Variants in AFF1 observed in about 807,000 individuals in gnomAD.
AFF1 encodes the protein AF4/FMR2 family member 1.
AFF1 carries 48 observed loss-of-function variants against 121.7 expected under a neutral mutation model. The observed-to-expected ratio is 0.39, with a 90% confidence interval of 0.31 to 0.50. AFF1 has a LOEUF of 0.50. AFF1 is among the 20% of genes least tolerant of loss of function. The pLI, the probability that AFF1 is intolerant of heterozygous loss-of-function variation, is 0.76. For missense variants in AFF1, 1,523 were observed against 1,511.7 expected (o/e 1.01, Z -0.12); for synonymous variants, 613 against 563.0 (o/e 1.09, Z -1.26).
At chr4:86,955,573 AT>A (rs1721677291) in intron 2 of AFF1, among the ~76,000 whole-genome samples, 1 of 152,222 alleles carries the variant, frequency 6.6e-6, no homozygotes, top group Non-Finnish European at 1.5e-5. Context: ...TTCTTCTGAA[AT>A]TGGGCCCAGG....
chr4:86,980,367 C>T (rs1348956411), intron 2 of AFF1, among the ~76,000 whole-genome samples: 2 of 152,120 alleles, frequency 1.3e-5, no homozygotes, highest in South Asian at 4.1e-4. Flanking sequence ...CGGTACATGC[C>T]TTGTAATCCC....
intron 2 of AFF1, among the ~76,000 whole-genome samples, chr4:87,031,415 C>T (rs1234642612): frequency 1.3e-5 from 2 of 152,014 alleles, no homozygotes; most frequent in Non-Finnish European, 2.9e-5. Context: ...TTGTAATCAA[C>T]CTCTACTATC....
chr4:87,068,536 CAGGGAGACGGGAGGTATGG>C (rs913816149), intron 4 of AFF1, among the ~76,000 whole-genome samples: 10 of 152,150 alleles, frequency 6.6e-5, no homozygotes, highest in Middle Eastern at 3.2e-3. Flanking sequence ...CCTGGTTTTG[CAGGGAGACGGGAGGTATGG>C]AGGCATTGCC....
At chr4:86,973,530 A>G (rs1216387794) in intron 2 of AFF1, among the ~76,000 whole-genome samples, 1 of 152,060 alleles carries the variant, frequency 6.6e-6, no homozygotes, top group Non-Finnish European at 1.5e-5. Context: ...TATGGCCAAA[A>G]TTTTTTAATG....
intron 4 of AFF1, among the ~76,000 whole-genome samples, chr4:87,074,270 G>A (rs941813286): frequency 6.6e-6 from 1 of 152,004 alleles, no homozygotes; most frequent in African/African-American, 2.4e-5. Flanking sequence ...TGCTGGAATG[G>A]AACCAGTGTC....
At chr4:87,126,635 C>A (rs1023906067) in intron 14 of AFF1, among the ~76,000 whole-genome samples, 2 of 152,038 alleles carry the variant, frequency 1.3e-5, no homozygotes, top group African/African-American at 2.4e-5. Flanking sequence ...CCTGTGTAGT[C>A]CTGCTTTGAA....
At chr4:86,970,963 C>A (rs551467506) in intron 2 of AFF1, among the ~76,000 whole-genome samples, 1 of 152,202 alleles carries the variant, frequency 6.6e-6, no homozygotes, top group African/African-American at 2.4e-5. Flanking sequence ...AGGGCCTTGT[C>A]GGCCGTTGGA....
At chr4:87,078,045 T>C (rs1722842288) in intron 4 of AFF1, among the ~76,000 whole-genome samples, 1 of 152,236 alleles carries the variant, frequency 6.6e-6, no homozygotes, top group Non-Finnish European at 1.5e-5. Flanking sequence ...GCCAAATTAA[T>C]GTCCTTAAAG....
At chr4:87,079,646 C>T (rs1722982485) in intron 4 of AFF1, among the ~76,000 whole-genome samples, 1 of 152,220 alleles carries the variant, frequency 6.6e-6, no homozygotes, top group Non-Finnish European at 1.5e-5. Flanking sequence ...TGAGCCAGCT[C>T]AGCTGCTTCA....
intron 2 of AFF1, among the ~76,000 whole-genome samples, chr4:86,986,777 CATTAAT>C (rs367960508): frequency 1.8e-4 from 27 of 152,124 alleles, no homozygotes; most frequent in East Asian, 1.7e-3. Flanking sequence ...ATTAATATTA[CATTAAT>C]ATTAAGTAAT....
intron 10 of AFF1, among the ~76,000 whole-genome samples, chr4:87,107,659 A>T (rs1232486717): frequency 2.0e-5 from 3 of 152,238 alleles, no homozygotes; most frequent in Non-Finnish European, 2.9e-5. Flanking sequence ...TGATTTGGTT[A>T]TGTGTAACAG....
intron 4 of AFF1, among the ~76,000 whole-genome samples, chr4:87,057,572 T>TGATTAGAGTA (rs113678735): frequency 0.054 from 8,152 of 152,096 alleles, 713 homozygotes; most frequent in African/African-American, 0.19. Context: ...GTGGTAGAAG[T>TGATTAGAGTA]GAAATTTGAA....
At chr4:87,026,061 C>CTT (rs34793575) in intron 2 of AFF1, among the ~76,000 whole-genome samples, 5,013 of 109,610 alleles carry the variant, frequency 0.046, 353 homozygotes, top group African/African-American at 0.09. Flanking sequence ...AGAGACCATG[C>CTT]TTTTTTTTTT....
At chr4:86,951,453 T>C (rs1203224662) in intron 2 of AFF1, among the ~76,000 whole-genome samples, 1 of 152,112 alleles carries the variant, frequency 6.6e-6, no homozygotes, top group African/African-American at 2.4e-5. Context: ...ACACATTTAG[T>C]TAGCTGCTTG....
Position 87,058,628 on chromosome 4 carries a change from C to T in AFF1, c.1059+11034C>T, listed in dbSNP as rs145328803. Among the ~76,000 whole-genome samples, 387 of 152,260 alleles carry T rather than the reference C, an allele frequency of 2.5e-3. 5 individuals are homozygous for T. Among genetic ancestry groups the T allele is most frequent in the African/African-American group, 8.1e-3 (336 of 41,558 alleles). On this transcript the variant is annotated intron_variant, in intron 4 of 20. Coordinates refer to ENST00000395146, the MANE Select transcript of AFF1 (RefSeq NM_001166693.3). Reference sequence around the variant, plus strand: ...ACCTTTGGTTAGCTTAAACCTTTCCCTTATTACTCAGCTCTTTCATGATAG... The same window carrying T: ...ACCTTTGGTTAGCTTAAACCTTTCCTTTATTACTCAGCTCTTTCATGATAG...
intron 8 of AFF1, among the ~76,000 whole-genome samples, chr4:87,095,792 G>A (rs1387308140): frequency 2.0e-5 from 3 of 146,902 alleles, no homozygotes; most frequent in South Asian, 2.3e-4. Context: ...TTTCTTGATG[G>A]TATTGAACTC....
intron 2 of AFF1, among the ~76,000 whole-genome samples, chr4:86,987,661 ATCAT>A (rs1333575440): frequency 1.3e-5 from 2 of 152,178 alleles, no homozygotes; most frequent in African/African-American, 4.8e-5. Flanking sequence ...TGTTTTAAAA[ATCAT>A]TCAGTCTGGC....
At chr4:86,992,660 A>G (rs1724818195) in intron 2 of AFF1, among the ~76,000 whole-genome samples, 1 of 152,180 alleles carries the variant, frequency 6.6e-6, no homozygotes, top group African/African-American at 2.4e-5. Flanking sequence ...ACCTTGACAA[A>G]GTTATAATTG....
chr4:87,069,198 C>T lies in AFF1; in HGVS notation c.1060-14922C>T, dbSNP rs796278847. Among the ~76,000 whole-genome samples, 19 of 151,002 alleles carry T rather than the reference C, an allele frequency of 1.3e-4. 1 individual carries two copies. In the South Asian group the frequency reaches 3.8e-3, roughly 30 times the overall value. On this transcript the variant is annotated intron_variant, in intron 4 of 20. Transcript: ENST00000395146. ...AATAAGCTTGCCAGCCATAGGTATT[C>T]GTCCCTTCCCATGTCCCCTCCCTCT...
Sources: allele counts gnomAD v4.1 joint callset (sites outside exome capture counted in the v4.1 genomes callset), GRCh38; gene constraint gnomAD v4.1.1; transcripts MANE v1.5; gene names NCBI Gene and HGNC (gene_info 2026-07-23, HGNC 2026-07-21).